The following MAST4 variants were observed in gnomAD, a reference collection of about 807,000 sequenced individuals.
MAST4 encodes microtubule-associated serine/threonine-protein kinase 4.
Under a neutral mutation model 162.7 loss-of-function variants are expected in MAST4, and 89 were observed. The ratio of observed to expected loss-of-function variants is 0.55; its 90% CI spans 0.46 to 0.65. MAST4 has a LOEUF of 0.65. MAST4 is among the 30% of genes least tolerant of loss of function. The pLI, the probability that MAST4 is intolerant of heterozygous loss-of-function variation, is 0.00. For missense variants in MAST4, 3,153 were observed against 3,374.0 expected (o/e 0.93, Z 1.62); for synonymous variants, 1,479 against 1,361.1 (o/e 1.09, Z -1.91).
At chr5:66,656,931 G>A (rs1746588173) in intron 1 of MAST4, among the ~76,000 whole-genome samples, 2 of 152,108 alleles carry the variant, frequency 1.3e-5, no homozygotes, top group South Asian at 4.1e-4. Flanking sequence ...AGGTGTAGTG[G>A]TTTCATTTTT....
intron 1 of MAST4, among the ~76,000 whole-genome samples, chr5:66,711,342 T>C (rs553246151): frequency 4.5e-4 from 69 of 152,292 alleles, no homozygotes; most frequent in African/African-American, 1.7e-3. Context: ...AAAATCAAGG[T>C]ATTGGCAGGG....
chr5:66,687,402 G>C (rs1223484707), intron 1 of MAST4, among the ~76,000 whole-genome samples: 1 of 151,728 alleles, frequency 6.6e-6, no homozygotes, highest in Non-Finnish European at 1.5e-5. Context: ...TGCTGCAAAG[G>C]ACATGATTTC....
chr5:67,097,039 G>GT lies in MAST4; in HGVS notation c.912+1372dup, dbSNP rs535041316. ...TAGACGTGTCTTTTAACTCCAAATTGTTTTTTTTATTTCAACTCTGTCACC... is the reference window on the plus strand; with the variant it reads ...TAGACGTGTCTTTTAACTCCAAATTGTTTTTTTTTATTTCAACTCTGTCACC... On this transcript the variant is annotated intron_variant, in intron 7 of 28. Coordinates refer to ENST00000403625, the MANE Select transcript of MAST4 (RefSeq NM_001164664.2). Among the ~76,000 whole-genome samples, 18 of 151,830 alleles carry GT rather than the reference G, an allele frequency of 1.2e-4. No individual in the cohort carries two copies. In the East Asian group the frequency reaches 2.9e-3, roughly 25 times the overall value.
intron 8 of MAST4, 68 bp downstream of exon 8, chr5:67,100,660 C>G (rs1275902424): frequency 1.3e-5 from 21 of 1,586,016 alleles, no homozygotes; most frequent in Non-Finnish European, 1.8e-5. Flanking sequence ...TGAGTGAACA[C>G]TTCGGTCCTT....
At chr5:67,048,095 T>C (rs1197904930) in intron 4 of MAST4, among the ~76,000 whole-genome samples, 2 of 152,210 alleles carry the variant, frequency 1.3e-5, no homozygotes, top group Admixed American at 6.5e-5. Context: ...AATATTTGCT[T>C]TATGTTGCAT....
rs112201527 is a variant in MAST4, at chr5:66,986,020, C to T, written c.675-68384C>T. 1.7e-3 allele frequency among the ~76,000 whole-genome samples: 264 copies of T among 152,204 alleles called. 1 individual carries two copies. The highest frequency in any genetic ancestry group is 3.0e-3 in the Non-Finnish European group (206 of 68,020). On this transcript the variant is annotated intron_variant, in intron 4 of 28. Transcript: ENST00000403625. ...TGATCCCACGGTAGAGGCTGGGATA[C>T]CAAGATGGGTGACCCATGACCTTCC...
chr5:66,641,318 A>AT lies in MAST4; in HGVS notation c.363+44306dup, dbSNP rs1360689651. 2.6e-5 allele frequency among the ~76,000 whole-genome samples: 4 copies of AT among 152,042 alleles called. No homozygotes were observed. In the East Asian group the frequency reaches 5.8e-4, roughly 22 times the overall value. ...GGGAATGTGCTACCATGCCTGGCTAATTTTTTGTATTTTATTTTTAGTAGA... is the reference window on the plus strand; with the variant it reads ...GGGAATGTGCTACCATGCCTGGCTAATTTTTTTGTATTTTATTTTTAGTAGA... On this transcript the variant is annotated intron_variant, in intron 1 of 28. Coordinates refer to ENST00000403625, the MANE Select transcript of MAST4 (RefSeq NM_001164664.2).
At chr5:67,000,516 C>A (rs971391003) in intron 4 of MAST4, among the ~76,000 whole-genome samples, 97 of 152,110 alleles carry the variant, frequency 6.4e-4, no homozygotes, top group African/African-American at 2.3e-3. Context: ...GAGGCTGAGG[C>A]GGGTGGATTA....
chr5:67,144,578 T>C, intron 21 of MAST4, 91 bp from the exon 22 acceptor site: 1 of 1,303,004 alleles, frequency 7.7e-7, no homozygotes, highest in Non-Finnish European at 1.1e-6. Context: ...AATTTAGTTA[T>C]CCTCTCAGGT....
rs751976813 is a variant in MAST4 at position 67,166,910 on chromosome 5, C to T, written c.7731C>T (p.Asn2577=). ...PAQPPPARKQ[N]VGRDVTKPSP... ...AGCCTCCCCCAGCTAGGAAACAGAACGTGGGCAGAGACGTGACCAAGCCAT... is the reference window on the plus strand; with the variant it reads ...AGCCTCCCCCAGCTAGGAAACAGAATGTGGGCAGAGACGTGACCAAGCCAT... The change falls in exon 29 of 29, where the codon AAC becomes AAT. Residue 2577 remains asparagine (N), a synonymous_variant. Transcript: ENST00000403625. 6.2e-7 allele frequency: 1 copy of T among 1,611,488 alleles called. No homozygotes were observed. Among genetic ancestry groups the T allele is most frequent in the Non-Finnish European group, 8.5e-7 (1 of 1,179,202 alleles).
At chr5:66,666,851 G>A (rs559304708) in intron 1 of MAST4, among the ~76,000 whole-genome samples, 1 of 152,328 alleles carries the variant, frequency 6.6e-6, no homozygotes, top group East Asian at 1.9e-4. Context: ...AGCTAGTAAA[G>A]GGGCCAGGTG....
At chr5:67,009,666 A>C (rs1052180891) in intron 4 of MAST4, among the ~76,000 whole-genome samples, 5 of 152,226 alleles carry the variant, frequency 3.3e-5, no homozygotes, top group Non-Finnish European at 7.3e-5. Context: ...TACTGCTGTC[A>C]TTACAAATGA....
intron 3 of MAST4, among the ~76,000 whole-genome samples, chr5:66,803,777 T>G (rs1344443177): frequency 6.6e-6 from 1 of 152,176 alleles, no homozygotes; most frequent in African/African-American, 2.4e-5. Flanking sequence ...GCTTTGCTTT[T>G]TCCTTTTCCA....
intron 1 of MAST4, among the ~76,000 whole-genome samples, chr5:66,750,347 G>A (rs569969266): frequency 3.3e-5 from 5 of 152,218 alleles, no homozygotes; most frequent in African/African-American, 9.7e-5. Flanking sequence ...CGTGAGCGAC[G>A]CAGGAAACGG....
At chr5:66,906,697 G>A (rs1271052814) in intron 4 of MAST4, among the ~76,000 whole-genome samples, 2 of 152,180 alleles carry the variant, frequency 1.3e-5, no homozygotes, top group Non-Finnish European at 2.9e-5. Context: ...ATTCATTAAT[G>A]GGATGCTTCT....
chr5:67,148,559 AT>A (rs900308164), intron 23 of MAST4, among the ~76,000 whole-genome samples: 8 of 152,116 alleles, frequency 5.3e-5, no homozygotes, highest in Non-Finnish European at 7.4e-5. Context: ...GGAAGCCCTA[AT>A]TTTTTTTAAG....
At chr5:66,802,717 C>T (rs1449026265) in intron 3 of MAST4, among the ~76,000 whole-genome samples, 1 of 151,972 alleles carries the variant, frequency 6.6e-6, no homozygotes. Context: ...CATAAATCAC[C>T]CCAACACTTT....
intron 5 of MAST4, among the ~76,000 whole-genome samples, chr5:67,087,598 GC>G (rs112962615): frequency 0.025 from 3,830 of 152,158 alleles, 141 homozygotes; most frequent in East Asian, 0.17. Context: ...CCTAAAACCT[GC>G]TAAACTGCCC....
chr5:67,091,485 ATG>A (rs990343389), intron 6 of MAST4, among the ~76,000 whole-genome samples: 5 of 152,198 alleles, frequency 3.3e-5, no homozygotes, highest in African/African-American at 1.2e-4. Flanking sequence ...CTGTAAGAAA[ATG>A]TACTGGTCCC....
Sources: gnomAD v4.1 joint callset for allele counts (sites outside exome capture counted in the v4.1 genomes callset) on GRCh38, gnomAD v4.1.1 for gene constraint, MANE v1.5 for transcripts, NCBI Gene and HGNC (gene_info 2026-07-23, HGNC 2026-07-21) for gene names.